ZNF484: variants seen among roughly 807,000 people sequenced by gnomAD.
ZNF484 encodes the protein KRAB box containing C2H2 type zinc finger bA526D8.4.
A neutral mutation model predicts 12.9 loss-of-function variants in ZNF484; 11 were observed. The observed-to-expected ratio is 0.85, with a 90% CI of 0.54 to 1.41. ZNF484 has a LOEUF of 1.41. ZNF484 is among the 40% of genes most tolerant of loss of function. The probability of loss-of-function intolerance (pLI) is 0.00; values close to 1 mark genes in which losing one functional copy is unlikely to be tolerated. For missense variants in ZNF484, 807 were observed against 1,007.7 expected, an observed-to-expected ratio of 0.80 and a Z score of 2.70; for synonymous variants, 289 against 334.1, an observed-to-expected ratio of 0.86 and a Z score of 1.47.
intron 2 of ZNF484, among the ~76,000 whole-genome samples, chr9:92,861,408 T>C (rs544127488): frequency 6.6e-6 from 1 of 152,292 alleles, no homozygotes. Context: ...CTGTAAATAG[T>C]GTTGAATCAA....
At chr9:92,856,141 A>G in intron 3 of ZNF484, 51 bp downstream of exon 3, 1 of 1,600,188 alleles carries the variant, frequency 6.2e-7, no homozygotes. Flanking sequence ...GAGAAGAAAA[A>G]TATACTCAAT....
chr9:92,855,830 G>C lies in ZNF484; in HGVS notation c.216C>G (p.Ile72Met), dbSNP rs757351281. Reference protein sequence around the residue: ...QEEPCMLDGEIPSQSRPDGDI... With the variant: ...QEEPCMLDGEMPSQSRPDGDI... ...TCTCACCTGGACGGCTCTGACTGGG[G>C]ATCTCACCATCCAACATACATGGCT... The change falls in exon 4 of 5, where the codon ATC becomes ATG. Residue 72 changes from isoleucine (I) to methionine (M), a missense_variant. Transcript: ENST00000375495. The C allele has an allele frequency of 2.5e-6, 4 of 1,613,950 alleles. No homozygotes were observed. In the East Asian group the frequency reaches 8.9e-5, roughly 36 times the overall value.
chr9:92,870,656 C>G (rs1857376479), intron 2 of ZNF484, among the ~76,000 whole-genome samples: 1 of 152,254 alleles, frequency 6.6e-6, no homozygotes, highest in Admixed American at 6.5e-5. Context: ...CCCATCACGA[C>G]AGGTGTGGTG....
chr9:92,868,272 A>G (rs1285541026), intron 2 of ZNF484, among the ~76,000 whole-genome samples: 1 of 152,178 alleles, frequency 6.6e-6, no homozygotes, highest in Non-Finnish European at 1.5e-5. Flanking sequence ...GTAGCTGAGT[A>G]TCGGATAGAG....
chr9:92,873,332 A>T (rs989241902), intron 2 of ZNF484, among the ~76,000 whole-genome samples: 2 of 152,186 alleles, frequency 1.3e-5, no homozygotes, highest in African/African-American at 4.8e-5. Context: ...TATTCCACCC[A>T]GTCTATGGTA....
At position 92,847,290 on chromosome 9, in the gene ZNF484, A is replaced by G; in HGVS notation, c.1497T>C (p.Thr499=). The G allele has an allele frequency of 6.2e-7, 1 of 1,614,158 alleles. No homozygotes were observed. The highest frequency in any genetic ancestry group is 8.5e-7 in the Non-Finnish European group (1 of 1,180,018). ...TGTCAGTAAAGGCCTTACCACACAC[A>G]GTACATATATAGGGTCTTTCTCCTG... ...IHTGERPYIC[T]VCGKAFTDRS... is the part of the protein sequence containing the mutation. Residue 499 remains threonine (T), a synonymous_variant, in exon 5 of 5, where the codon ACT becomes ACC. Transcript: ENST00000375495.
At chr9:92,873,055 T>C (rs535777024) in intron 2 of ZNF484, among the ~76,000 whole-genome samples, 2 of 152,284 alleles carry the variant, frequency 1.3e-5, no homozygotes, top group South Asian at 2.1e-4. Flanking sequence ...TATTTGGAGA[T>C]AGGGCTTTTA....
At chr9:92,856,695 C>G (rs564182470) in intron 2 of ZNF484, among the ~76,000 whole-genome samples, 20 of 152,254 alleles carry the variant, frequency 1.3e-4, no homozygotes, top group Non-Finnish European at 2.5e-4. Flanking sequence ...GGCTGTACAA[C>G]TGAGTGAATA....
At chr9:92,860,100 C>A (rs1856689482) in intron 2 of ZNF484, among the ~76,000 whole-genome samples, 1 of 152,172 alleles carries the variant, frequency 6.6e-6, no homozygotes, top group Admixed American at 6.5e-5. Context: ...TATTGCATGG[C>A]CAAAGGTACC....
chr9:92,861,172 G>A (rs1856762555), intron 2 of ZNF484, among the ~76,000 whole-genome samples: 1 of 152,180 alleles, frequency 6.6e-6, no homozygotes, highest in African/African-American at 2.4e-5. Context: ...ACCTAAATGT[G>A]TTGACAACTG....
rs1167784917 is a variant in ZNF484 at position 92,846,075 on chromosome 9, C to T, written c.*153G>A. 2 of 735,238 alleles carry T rather than the reference C, an allele frequency of 2.7e-6. No homozygotes were observed. The highest frequency in any genetic ancestry group is 4.3e-6 in the Non-Finnish European group (2 of 463,472). The allele number at this position is 735,238 out of a possible 1,614,324, so 45.5% of individuals were successfully genotyped here. On this transcript the variant is annotated 3_prime_UTR_variant, in exon 5 of 5. Coordinates refer to ENST00000375495, the MANE Select transcript of ZNF484 (RefSeq NM_031486.4). ...AAACAAGAAAGACTGCCAATCATCT[C>T]CTTGCACATTTACTATTATTTGCAG...
intron 2 of ZNF484, among the ~76,000 whole-genome samples, chr9:92,860,368 C>T (rs1241069354): frequency 5.3e-5 from 8 of 151,956 alleles, no homozygotes; most frequent in South Asian, 2.1e-4. Context: ...TTTGGGAGGC[C>T]GAGGCAGGTG....
intron 2 of ZNF484, among the ~76,000 whole-genome samples, chr9:92,866,615 AG>A (rs1254092427): frequency 2.0e-5 from 3 of 148,130 alleles, no homozygotes; most frequent in South Asian, 4.3e-4. Context: ...CAGAAATACC[AG>A]TTGACCCAGC....
At position 92,845,967 on chromosome 9, in the gene ZNF484, G is replaced by A. The variant is rs193144163; in HGVS notation, c.*261C>T. The A allele has an allele frequency of 2.1e-5, 9 of 433,882 alleles. No individual in the cohort carries two copies. The highest frequency in any genetic ancestry group is 1.6e-4 in the East Asian group (4 of 25,732). 26.9% of individuals were successfully genotyped at this position (433,882 alleles called of 1,614,324 possible). A position where few individuals can be genotyped will look rare whatever the true frequency, so the allele number is the denominator to read the frequency against. Reference sequence around the variant, plus strand: ...CATACTACTCATTATGAATTTTTGCGGGTCAATATTGAATAGTTGTGGTAC... The same window carrying A: ...CATACTACTCATTATGAATTTTTGCAGGTCAATATTGAATAGTTGTGGTAC... On this transcript the variant is annotated 3_prime_UTR_variant, in exon 5 of 5. Transcript: ENST00000375495. This position sits in a 1 kb window ranked among gnomAD's most constrained non-coding sequence, Gnocchi z 4.0.
chr9:92,848,164 C>T lies in ZNF484; in HGVS notation c.623G>A (p.Gly208Asp). ...AGAATTCAAATGAGTGAAAATATCACCATCTCCAATAGTCTTATCAGAATT... is the reference window on the plus strand; with the variant it reads ...AGAATTCAAATGAGTGAAAATATCATCATCTCCAATAGTCTTATCAGAATT... ...TENSDKTIGDGDIFTHLNSHT... is the reference protein window; with the variant it reads ...TENSDKTIGDDDIFTHLNSHT... The change falls in exon 5 of 5, where the codon GGT becomes GAT. Residue 208 changes from glycine (G) to aspartate (D), a missense_variant. Transcript: ENST00000375495. This position sits in a 1 kb window ranked among gnomAD's most constrained non-coding sequence, Gnocchi z 4.1. 1 of 1,614,102 alleles carries T rather than the reference C, an allele frequency of 6.2e-7. No individual in the cohort carries two copies. Among genetic ancestry groups the T allele is most frequent in the Non-Finnish European group, 8.5e-7 (1 of 1,180,030 alleles).
chr9:92,875,036 C>T lies in ZNF484; in HGVS notation c.-7G>A, dbSNP rs1259495860. Reference sequence around the variant, plus strand: ...TCACCAGGGACTTGGTCATTTTTGGCTCTTCGGACAAAGGGGCAGAAATCT... The same window carrying T: ...TCACCAGGGACTTGGTCATTTTTGGTTCTTCGGACAAAGGGGCAGAAATCT... On this transcript the variant is annotated 5_prime_UTR_variant, in exon 2 of 5. Transcript: ENST00000375495. 35 of 1,613,804 alleles carry T rather than the reference C, an allele frequency of 2.2e-5. No individual in the cohort carries two copies. In the Admixed American group the frequency reaches 5.8e-4, roughly 27 times the overall value.
intron 2 of ZNF484, among the ~76,000 whole-genome samples, chr9:92,860,272 A>G (rs887265372): frequency 6.6e-6 from 1 of 152,124 alleles, no homozygotes; most frequent in East Asian, 1.9e-4. Flanking sequence ...CAAAGGCCAA[A>G]CCTCTCTTTG....
chr9:92,864,268 T>C (rs1856940210), intron 2 of ZNF484, among the ~76,000 whole-genome samples: 1 of 152,164 alleles, frequency 6.6e-6, no homozygotes, highest in East Asian at 1.9e-4. Flanking sequence ...ATACAGGCGA[T>C]ACTTCTGAGA....
intron 1 of ZNF484, among the ~76,000 whole-genome samples, chr9:92,877,639 C>G (rs114784440): frequency 0.032 from 4,933 of 152,176 alleles, 161 homozygotes; most frequent in African/African-American, 0.085. Context: ...CACAACCCCA[C>G]AGTCCGCCCT....
Sources: allele counts gnomAD v4.1 joint callset (sites outside exome capture counted in the v4.1 genomes callset), GRCh38; gene constraint gnomAD v4.1.1; non-coding constraint Gnocchi (gnomAD v3.1); transcripts MANE v1.5; gene names NCBI Gene and HGNC (gene_info 2026-07-23, HGNC 2026-07-21).